The following SNX7 variants were observed in gnomAD, a reference collection of about 807,000 sequenced individuals.
SNX7 encodes sorting nexin 7.
In SNX7, 35 loss-of-function variants were observed where a neutral mutation model predicts 48.4. The ratio of observed to expected loss-of-function variants is 0.72; its 90% CI spans 0.55 to 0.96. The LOEUF is 0.96. Ranked by LOEUF, SNX7 falls within the 40% of genes least tolerant of loss-of-function variation. The pLI is 0.00. For missense variants in SNX7, 553 were observed against 548.9 expected, an observed-to-expected ratio of 1.01 and a Z score of -0.07; for synonymous variants, 190 against 190.2, an observed-to-expected ratio of 1.00 and a Z score of 0.01.
chr1:98,730,113 A>G (rs1051317250), intron 7 of SNX7, among the ~76,000 whole-genome samples: 2 of 152,208 alleles, frequency 1.3e-5, no homozygotes, highest in African/African-American at 4.8e-5. Context: ...ACATATGCAA[A>G]TCAATAAATG....
At chr1:98,756,367 T>C (rs1478060497) in intron 8 of SNX7, among the ~76,000 whole-genome samples, 1 of 151,260 alleles carries the variant, frequency 6.6e-6, no homozygotes, top group East Asian at 2.0e-4. Flanking sequence ...CGTTACTATG[T>C]CATTTGTTTA....
At chr1:98,718,581 T>A (rs1327619435) in intron 7 of SNX7, among the ~76,000 whole-genome samples, 3 of 152,122 alleles carry the variant, frequency 2.0e-5, no homozygotes, top group Non-Finnish European at 4.4e-5. Flanking sequence ...CAAATTATGA[T>A]TTATTTGAAA....
chr1:98,733,617 T>A (rs542482154), intron 7 of SNX7, among the ~76,000 whole-genome samples: 11 of 152,264 alleles, frequency 7.2e-5, no homozygotes, highest in African/African-American at 2.2e-4. Flanking sequence ...TGCAGTTTGC[T>A]TTGCATGAAT....
At chr1:98,709,292 G>T (rs1347003272) in intron 7 of SNX7, among the ~76,000 whole-genome samples, 1 of 152,168 alleles carries the variant, frequency 6.6e-6, no homozygotes. Context: ...GTTAACTGCA[G>T]TCCTGCTTCT....
chr1:98,737,007 A>T (rs1653812748), intron 7 of SNX7, among the ~76,000 whole-genome samples: 1 of 152,090 alleles, frequency 6.6e-6, no homozygotes, highest in Non-Finnish European at 1.5e-5. Flanking sequence ...ACCTTACCAT[A>T]GACTACATGG....
At chr1:98,733,363 A>G (rs1653614928) in intron 7 of SNX7, among the ~76,000 whole-genome samples, 2 of 152,112 alleles carry the variant, frequency 1.3e-5, no homozygotes, top group South Asian at 4.1e-4. Flanking sequence ...TTTCTGTGGC[A>G]TCAGGAGTCT....
At chr1:98,741,697 G>A (rs1311334954) in intron 8 of SNX7, among the ~76,000 whole-genome samples, 1 of 151,996 alleles carries the variant, frequency 6.6e-6, no homozygotes, top group African/African-American at 2.4e-5. Flanking sequence ...TAATGTGAAG[G>A]GATTCTAAAA....
intron 7 of SNX7, among the ~76,000 whole-genome samples, chr1:98,707,747 T>C (rs1652082658): frequency 6.6e-6 from 1 of 152,216 alleles, no homozygotes; most frequent in African/African-American, 2.4e-5. Flanking sequence ...CATAGCTGTT[T>C]AGCAGTATAT....
chr1:98,683,493 T>A (rs4582822), intron 1 of SNX7, among the ~76,000 whole-genome samples: 133,404 of 151,868 alleles, frequency 0.88, 59,823 homozygotes, highest in Non-Finnish European at 0.96. Flanking sequence ...AGCCTTTGGG[T>A]GGTGATTAGA....
intron 8 of SNX7, among the ~76,000 whole-genome samples, chr1:98,742,499 T>G (rs544946181): frequency 3.9e-5 from 6 of 152,264 alleles, no homozygotes; most frequent in African/African-American, 1.4e-4. Context: ...TAAGTGAATA[T>G]GATAAAGGAA....
intron 7 of SNX7, among the ~76,000 whole-genome samples, chr1:98,736,882 AC>A (rs1653806965): frequency 6.6e-6 from 1 of 152,184 alleles, no homozygotes; most frequent in African/African-American, 2.4e-5. Flanking sequence ...ATGGCCTCTC[AC>A]AAATACTTTG....
At chr1:98,732,229 C>G (rs1335739127) in intron 7 of SNX7, among the ~76,000 whole-genome samples, 1 of 152,066 alleles carries the variant, frequency 6.6e-6, no homozygotes, top group African/African-American at 2.4e-5. Context: ...TGAGATGTGT[C>G]TTAATCCATT....
At chr1:98,724,274 T>C (rs1290102281) in intron 7 of SNX7, among the ~76,000 whole-genome samples, 1 of 152,120 alleles carries the variant, frequency 6.6e-6, no homozygotes, top group Non-Finnish European at 1.5e-5. Context: ...AAACCCACTC[T>C]GGCCATTGCT....
At chr1:98,759,902 A>G in intron 8 of SNX7, 152 bp from the exon 9 acceptor site, 1 of 575,190 alleles carries the variant, frequency 1.7e-6, no homozygotes, top group Non-Finnish European at 3.2e-6. Context: ...TAAGAATTAA[A>G]ATATGTAGAA....
At chr1:98,689,796 C>T (rs765488013) in intron 2 of SNX7, among the ~76,000 whole-genome samples, 16 of 152,084 alleles carry the variant, frequency 1.1e-4, no homozygotes, top group Non-Finnish European at 2.1e-4. Context: ...ACTGACCAGT[C>T]TATATTATTA....
chr1:98,703,630 T>C (rs1311683633), intron 7 of SNX7, among the ~76,000 whole-genome samples: 2 of 151,876 alleles, frequency 1.3e-5, no homozygotes, highest in Admixed American at 6.6e-5. Flanking sequence ...AACAATTGAC[T>C]CCTAACACTC....
At chr1:98,731,496 G>A (rs1653512213) in intron 7 of SNX7, among the ~76,000 whole-genome samples, 1 of 152,064 alleles carries the variant, frequency 6.6e-6, no homozygotes, top group Admixed American at 6.6e-5. Context: ...TATTTTTCAT[G>A]TCAAACTTTC....
At chr1:98,722,911 A>G (rs1358183303) in intron 7 of SNX7, among the ~76,000 whole-genome samples, 1 of 152,160 alleles carries the variant, frequency 6.6e-6, no homozygotes, top group African/African-American at 2.4e-5. Flanking sequence ...TCATAAAGCC[A>G]GTAGGAGAAA....
intron 1 of SNX7, among the ~76,000 whole-genome samples, chr1:98,676,493 T>C (rs1650174380): frequency 6.6e-6 from 1 of 152,220 alleles, no homozygotes; most frequent in African/African-American, 2.4e-5. Context: ...ATGACTATTG[T>C]TATTCTTCTT....
Sources: gnomAD v4.1 joint callset for allele counts (sites outside exome capture counted in the v4.1 genomes callset) on GRCh38, gnomAD v4.1.1 for gene constraint, MANE v1.5 for transcripts, NCBI Gene and HGNC (gene_info 2026-07-23, HGNC 2026-07-21) for gene names.